CALD1: variants seen among roughly 807,000 people sequenced by gnomAD.
CALD1 encodes the protein caldesmon.
In CALD1, 33 loss-of-function variants were observed where a neutral mutation model predicts 99.9. The ratio of observed to expected loss-of-function variants is 0.33; its 90% CI spans 0.25 to 0.44. The LOEUF (loss-of-function observed/expected upper bound fraction) is 0.44. Ranked by LOEUF, CALD1 falls within the 20% of genes least tolerant of loss-of-function variation. The pLI is 1.00. For missense variants in CALD1, 861 were observed against 962.1 expected (o/e 0.89, Z 1.39); for synonymous variants, 310 against 325.0 (o/e 0.95, Z 0.50).
At chr7:134,881,567 T>C (rs1200248191) in intron 3 of CALD1, among the ~76,000 whole-genome samples, 2 of 152,204 alleles carry the variant, frequency 1.3e-5, no homozygotes, top group African/African-American at 2.4e-5. Flanking sequence ...TTTATCATGT[T>C]GAAGTGCCTG....
chr7:134,943,587 A>AT (rs976450950), intron 7 of CALD1, among the ~76,000 whole-genome samples: 1 of 152,154 alleles, frequency 6.6e-6, no homozygotes, highest in African/African-American at 2.4e-5. Flanking sequence ...TGGTTTTTTG[A>AT]TTTTTTATTT....
At chr7:134,826,588 G>A (rs1234983898) in intron 1 of CALD1, among the ~76,000 whole-genome samples, 1 of 152,074 alleles carries the variant, frequency 6.6e-6, no homozygotes, top group Non-Finnish European at 1.5e-5. Flanking sequence ...CTTTTACCAC[G>A]AACACTGTTG....
At chr7:134,795,830 T>G (rs1797723072) in intron 1 of CALD1, among the ~76,000 whole-genome samples, 1 of 152,160 alleles carries the variant, frequency 6.6e-6, no homozygotes, top group African/African-American at 2.4e-5. Flanking sequence ...GCTGGGAAGA[T>G]GCGACGGTGG....
chr7:134,785,984 A>AATTGGCATG (rs1797289244), intron 1 of CALD1, among the ~76,000 whole-genome samples: 1 of 152,146 alleles, frequency 6.6e-6, no homozygotes, highest in Admixed American at 6.5e-5. Context: ...AGCTCCAACC[A>AATTGGCATG]ATTGGCATGT....
At chr7:134,926,781 A>G (rs547598534) in intron 3 of CALD1, among the ~76,000 whole-genome samples, 4 of 152,170 alleles carry the variant, frequency 2.6e-5, no homozygotes. Context: ...TGGCTTTGCA[A>G]TGATATAAGA....
chr7:134,842,607 C>T (rs572078218), intron 1 of CALD1, among the ~76,000 whole-genome samples: 3 of 152,150 alleles, frequency 2.0e-5, no homozygotes, highest in Non-Finnish European at 4.4e-5. Context: ...TAAAGGATCC[C>T]TAATTTAACC....
upstream of CALD1, among the ~76,000 whole-genome samples, chr7:134,777,606 G>A (rs556503605): frequency 6.6e-6 from 1 of 152,298 alleles, no homozygotes; most frequent in East Asian, 1.9e-4. Flanking sequence ...TACAAGCAGG[G>A]AGAGTGTGGT....
In CALD1 at chr7:134,960,116, G is replaced by A; in HGVS notation, c.2199+5G>A. 1 of 1,613,964 alleles carries A rather than the reference G, an allele frequency of 6.2e-7. No individual in the cohort carries two copies. Among genetic ancestry groups the A allele is most frequent in the Middle Eastern group, 1.6e-4 (1 of 6,062 alleles). ...GCAGCAGGCACACCAAATAAGGTGA[G>A]CATCTGATTTTTGTCTCTTAAGTGT... On this transcript the variant is annotated splice_donor_5th_base_variant and intron_variant, in intron 12 of 14. Coordinates refer to ENST00000361675, the MANE Select transcript of CALD1 (RefSeq NM_033138.4).
intron 3 of CALD1, among the ~76,000 whole-genome samples, chr7:134,898,473 G>A (rs1399744100): frequency 1.3e-5 from 2 of 152,048 alleles, no homozygotes; most frequent in Non-Finnish European, 2.9e-5. Flanking sequence ...AAATCTCAGG[G>A]TAACTTTTTT....
chr7:134,734,001 T>C, the CALD1 span, among the ~76,000 whole-genome samples: 1 of 151,680 alleles, frequency 6.6e-6, no homozygotes, highest in African/African-American at 2.4e-5. Context: ...ATTATATAGT[T>C]ATTTATATTA....
intron 3 of CALD1, among the ~76,000 whole-genome samples, chr7:134,910,664 C>T (rs759482340): frequency 1.4e-4 from 21 of 152,256 alleles, no homozygotes; most frequent in East Asian, 9.7e-4. Flanking sequence ...CACACACACA[C>T]ACACACGCTC....
chr7:134,935,161 AG>A (rs1219405712), intron 5 of CALD1, among the ~76,000 whole-genome samples: 1 of 152,104 alleles, frequency 6.6e-6, no homozygotes, highest in Non-Finnish European at 1.5e-5. Flanking sequence ...TGGAAATAGT[AG>A]GGGGGAAATG....
intron 6 of CALD1, among the ~76,000 whole-genome samples, chr7:134,938,850 G>A (rs1806203248): frequency 6.6e-6 from 1 of 152,084 alleles, no homozygotes; most frequent in Non-Finnish European, 1.5e-5. Flanking sequence ...TGTTAGACAT[G>A]TATCATCTTA....
chr7:134,780,937 G>T (rs1797081334), intron 1 of CALD1, among the ~76,000 whole-genome samples: 1 of 152,184 alleles, frequency 6.6e-6, no homozygotes, highest in African/African-American at 2.4e-5. Context: ...GCAAATGACT[G>T]ATTCAACTGG....
At chr7:134,811,918 A>G (rs1240567079) in intron 1 of CALD1, among the ~76,000 whole-genome samples, 1 of 152,176 alleles carries the variant, frequency 6.6e-6, no homozygotes, top group Non-Finnish European at 1.5e-5. Flanking sequence ...CCCCTAAAGT[A>G]TAAATCGTTT....
intron 7 of CALD1, among the ~76,000 whole-genome samples, chr7:134,943,287 CG>C (rs1269473940): frequency 8.0e-5 from 4 of 50,186 alleles, no homozygotes; most frequent in Admixed American, 2.9e-4. Context: ...AAGCCAAGGA[CG>C]GGGGTAGGGT....
At chr7:134,869,129 T>C (rs1444686028) in intron 3 of CALD1, among the ~76,000 whole-genome samples, 1 of 151,814 alleles carries the variant, frequency 6.6e-6, no homozygotes, top group Non-Finnish European at 1.5e-5. Context: ...TATCCTGCAA[T>C]GGAACTAGTC....
At chr7:134,845,281 T>C (rs1395419808) in intron 2 of CALD1, among the ~76,000 whole-genome samples, 2 of 152,178 alleles carry the variant, frequency 1.3e-5, no homozygotes, top group Non-Finnish European at 2.9e-5. Flanking sequence ...TAATATTTAT[T>C]AAATGAATGA....
intron 4 of CALD1, 72 bp downstream of exon 4, chr7:134,928,972 C>A: frequency 7.6e-7 from 1 of 1,322,980 alleles, no homozygotes; most frequent in Admixed American, 2.2e-5. Context: ...ATTTGTTGAG[C>A]AGAGCATTCC....
Sources: allele counts gnomAD v4.1 joint callset (sites outside exome capture counted in the v4.1 genomes callset), GRCh38; gene constraint gnomAD v4.1.1; transcripts MANE v1.5; gene names NCBI Gene and HGNC (gene_info 2026-07-23, HGNC 2026-07-21).